The following FGF1 variants were observed in gnomAD, a reference collection of about 807,000 sequenced individuals.
FGF1 encodes the protein beta-endothelial cell growth factor.
In FGF1, 9 loss-of-function variants were observed where a neutral mutation model predicts 13.4. The observed-to-expected ratio is 0.67, with a 90% CI of 0.40 to 1.17. FGF1 has a LOEUF of 1.17. FGF1 is among the 50% of genes most tolerant of loss of function. The pLI is 0.01. For missense variants in FGF1, 156 were observed against 192.7 expected (o/e 0.81, Z 1.13); for synonymous variants, 93 against 79.0 (o/e 1.18, Z -0.94).
At chr5:142,697,260 G>C (rs1209362415) in intron 2 of FGF1, among the ~76,000 whole-genome samples, 1 of 152,128 alleles carries the variant, frequency 6.6e-6, no homozygotes, top group Non-Finnish European at 1.5e-5. Context: ...ATTTCATTCA[G>C]TGCTTTTTAA....
chr5:142,596,700 G>A (rs1234184866), intron 3 of FGF1, among the ~76,000 whole-genome samples: 12 of 148,654 alleles, frequency 8.1e-5, no homozygotes. Context: ...AGCTATGATT[G>A]TACCACTGCA....
intron 1 of FGF1, among the ~76,000 whole-genome samples, chr5:142,655,724 GGT>G (rs1340558262): frequency 6.6e-6 from 1 of 152,218 alleles, no homozygotes; most frequent in East Asian, 1.9e-4. Context: ...AACATCTTGG[GGT>G]TTCAGTGGCC....
At position 142,595,502 on chromosome 5, in the gene FGF1, A is replaced by C. The variant is rs34003; in HGVS notation, c.274-18T>G. On this transcript the variant is annotated intron_variant, in intron 3 of 3. Transcript: ENST00000337706. ...GGTGTCTGCTAAAAAGATAAAACCAAAAGAGAGTAGGACAATCAGTGAGTA... is the reference window on the plus strand; with the variant it reads ...GGTGTCTGCTAAAAAGATAAAACCACAAGAGAGTAGGACAATCAGTGAGTA... The C allele has an allele frequency of 0.47, 754,128 of 1,605,964 alleles. 181,433 individuals are homozygous for C. Among genetic ancestry groups the C allele is most frequent in the African/African-American group, 0.73 (54,318 of 74,640 alleles).
In FGF1 at chr5:142,679,277, C is replaced by A. The variant is rs369855636; in HGVS notation, c.-35+6680G>T. On this transcript the variant is annotated intron_variant, in intron 1 of 3. Coordinates refer to ENST00000337706, the MANE Select transcript of FGF1 (RefSeq NM_000800.5). ...TGCCAGGCTTCCTCACACCAGGCAA[C>A]CTTTGTGCATGCTCCTCTCCCTGCC... is the stretch of plus-strand genomic sequence containing the variant. 1.1e-4 allele frequency among the ~76,000 whole-genome samples: 16 copies of A among 152,272 alleles called. 1 individual carries two copies. In the East Asian group the frequency reaches 1.5e-3, roughly 15 times the overall value.
At position 142,637,089 on chromosome 5, in the gene FGF1, G is replaced by A. The variant is rs183139506; in HGVS notation, c.-34-22928C>T. On this transcript the variant is annotated intron_variant, in intron 1 of 3. Coordinates refer to ENST00000337706, the MANE Select transcript of FGF1 (RefSeq NM_000800.5). ...GTATGGGCTAAATGCTGTGTCCACTGCTCACAGCTTTCCAGCCAGGACACC... is the reference window on the plus strand; with the variant it reads ...GTATGGGCTAAATGCTGTGTCCACTACTCACAGCTTTCCAGCCAGGACACC... Among the ~76,000 whole-genome samples the A allele has an allele frequency of 5.3e-5, 8 of 152,108 alleles. No homozygotes were observed. The Middle Eastern group carries it at 0.01, about 194-fold the overall frequency.
chr5:142,681,671 C>A (rs1773717031), intron 1 of FGF1, among the ~76,000 whole-genome samples: 1 of 152,120 alleles, frequency 6.6e-6, no homozygotes, highest in African/African-American at 2.4e-5. Flanking sequence ...TCTCATAATC[C>A]CCCCAAACCA....
At chr5:142,666,279 T>TACACACAC (rs70991775) in intron 1 of FGF1, among the ~76,000 whole-genome samples, 681 of 62,596 alleles carry the variant, frequency 0.011, 20 homozygotes, top group African/African-American at 0.035. Flanking sequence ...GAGCATGTAA[T>TACACACAC]ACACACACAC....
At chr5:142,619,194 A>T (rs1760972711) in intron 1 of FGF1, among the ~76,000 whole-genome samples, 1 of 152,042 alleles carries the variant, frequency 6.6e-6, no homozygotes, top group Non-Finnish European at 1.5e-5. Flanking sequence ...TCAGCCTCCC[A>T]AAGTGCTGGG....
chr5:142,601,484 G>C (rs1756548517), intron 2 of FGF1, among the ~76,000 whole-genome samples: 1 of 152,166 alleles, frequency 6.6e-6, no homozygotes, highest in Non-Finnish European at 1.5e-5. Context: ...GAGATCACCA[G>C]CTTCTGATGG....
At chr5:142,631,983 G>A (rs1482507380) in intron 1 of FGF1, among the ~76,000 whole-genome samples, 2 of 151,828 alleles carry the variant, frequency 1.3e-5, no homozygotes, top group African/African-American at 4.8e-5. Flanking sequence ...ATGGAGTTTC[G>A]CCATGTTGGC....
At chr5:142,647,152 C>T (rs1329313789) in intron 1 of FGF1, among the ~76,000 whole-genome samples, 2 of 152,168 alleles carry the variant, frequency 1.3e-5, no homozygotes, top group South Asian at 2.1e-4. Context: ...TAGTTGAAGA[C>T]AATTGAGAAG....
intron 1 of FGF1, among the ~76,000 whole-genome samples, chr5:142,662,127 G>A (rs1428962207): frequency 1.3e-5 from 2 of 152,318 alleles, no homozygotes; most frequent in South Asian, 2.1e-4. Context: ...TGTGCCCGGG[G>A]CTGAGGGAGG....
At position 142,622,684 on chromosome 5, in the gene FGF1, G is replaced by C. The variant is rs79100140; in HGVS notation, c.-34-8523C>G. On this transcript the variant is annotated intron_variant, in intron 1 of 3. Coordinates refer to ENST00000337706, the MANE Select transcript of FGF1 (RefSeq NM_000800.5). ...AGGCTTTTTTTATTTCTGCCACAGC[G>C]TGTTAGGCTGGCAGGGCCCCACCTT... is the stretch of plus-strand genomic sequence containing the variant. Among the ~76,000 whole-genome samples, 237 of 152,316 alleles carry C rather than the reference G, an allele frequency of 1.6e-3. 4 individuals are homozygous for C. In the East Asian group the frequency reaches 0.037, roughly 24 times the overall value.
rs1463713528 is a variant in FGF1 at position 142,637,722 on chromosome 5, AC to A, written c.-34-23562del. Among the ~76,000 whole-genome samples, 12 of 152,140 alleles carry A rather than the reference AC, an allele frequency of 7.9e-5. No homozygotes were observed. The East Asian group carries it at 1.7e-3, about 22-fold the overall frequency. ...AGGACTGTCGTCCCTGCTCTTCTGC[AC>A]CCTGCCTTGGACTCACCAGATGACT... is the stretch of plus-strand genomic sequence containing the variant. On this transcript the variant is annotated intron_variant, in intron 1 of 3. Transcript: ENST00000337706.
chr5:142,595,304 C>T lies in FGF1; in HGVS notation c.454G>A (p.Val152Ile), dbSNP rs1198361298. 6.2e-7 allele frequency: 1 copy of T among 1,613,772 alleles called. No individual in the cohort carries two copies. The highest frequency in any genetic ancestry group is 8.5e-7 in the Non-Finnish European group (1 of 1,179,786). Reference protein sequence around the residue: ...QKAILFLPLPVSSD With the variant: ...QKAILFLPLPISSD ...AACAGATCTCTTTAATCAGAAGAGA[C>T]TGGCAGGGGGAGAAACAAGATTGCT... The change falls in exon 4 of 4, where the codon GTC (valine) becomes ATC (isoleucine). Residue 152 changes from valine (V) to isoleucine (I), a missense_variant. By Grantham distance (29) the Val-to-Ile change is conservative. Coordinates refer to ENST00000337706, the MANE Select transcript of FGF1 (RefSeq NM_000800.5).
chr5:142,678,129 C>T (rs1019859495), intron 1 of FGF1, among the ~76,000 whole-genome samples: 6 of 152,042 alleles, frequency 3.9e-5, no homozygotes, highest in Non-Finnish European at 8.8e-5. Flanking sequence ...GGTGTGATGT[C>T]GGATGGGTAA....
At chr5:142,598,244 T>C (rs1755716134) in intron 3 of FGF1, among the ~76,000 whole-genome samples, 1 of 152,110 alleles carries the variant, frequency 6.6e-6, no homozygotes, top group Admixed American at 6.5e-5. Context: ...ATGGCCACAT[T>C]CCCCACCTGA....
At chr5:142,611,764 T>A (rs1424323742) in intron 2 of FGF1, among the ~76,000 whole-genome samples, 1 of 152,214 alleles carries the variant, frequency 6.6e-6, no homozygotes, top group Non-Finnish European at 1.5e-5. Context: ...ACTCCGAGTG[T>A]TGGCAGAGAG....
intron 1 of FGF1, among the ~76,000 whole-genome samples, chr5:142,668,271 A>G (rs1377908803): frequency 9.2e-5 from 14 of 152,242 alleles, no homozygotes; most frequent in Admixed American, 9.2e-4. Flanking sequence ...TTTGCATTCA[A>G]CATACTGTCA....
Sources: gnomAD v4.1 joint callset for allele counts (sites outside exome capture counted in the v4.1 genomes callset) on GRCh38, gnomAD v4.1.1 for gene constraint, MANE v1.5 for transcripts, NCBI Gene and HGNC (gene_info 2026-07-23, HGNC 2026-07-21) for gene names.